The following ZNF676 variants were observed in gnomAD, a reference collection of about 807,000 sequenced individuals.
The protein encoded by ZNF676 is zinc finger protein 676.
ZNF676 carries 4 observed loss-of-function variants against 6.0 expected under a neutral mutation model. That is an observed-to-expected ratio of 0.67 (90% confidence interval 0.33 to 1.53). The LOEUF (loss-of-function observed/expected upper bound fraction) is 1.53, where lower values mean the gene tolerates loss of function less well. Ranked by LOEUF, ZNF676 falls within the 40% of genes most tolerant of loss-of-function variation. The pLI, the probability that ZNF676 is intolerant of heterozygous loss-of-function variation, is 0.06. For synonymous variants in ZNF676, 198 were observed against 223.1 expected (o/e 0.89, Z 1.00); for missense variants, 644 against 679.7 (o/e 0.95, Z 0.58).
the ZNF676 span, among the ~76,000 whole-genome samples, chr19:22,238,983 C>A: frequency 2.0e-5 from 3 of 152,174 alleles, no homozygotes; most frequent in African/African-American, 7.2e-5. Context: ...AACACCCTCA[C>A]AGACACATCC....
the ZNF676 span, chr19:22,245,386 A>C: frequency 7.9e-5 from 12 of 152,158 alleles, no homozygotes; most frequent in Admixed American, 5.9e-4. Flanking sequence ...AGGAGACAAG[A>C]GTCACATCAC....
At chr19:22,230,626 T>C in the ZNF676 span, among the ~76,000 whole-genome samples, 1 of 150,724 alleles carries the variant, frequency 6.6e-6, no homozygotes, top group Non-Finnish European at 1.5e-5. Context: ...ATGTATATTA[T>C]ATATATGTAT....
In ZNF676 at chr19:22,196,595, C is replaced by T; in HGVS notation, c.34+5G>A. On this transcript the variant is annotated splice_donor_5th_base_variant and intron_variant, in intron 1 of 2. Transcript: ENST00000397121. ...CTAGGAATTGCGTATTAAAGTTATT[C>T]TCACCCAGGAAGACCAGGTTTCTGT... is the stretch of plus-strand genomic sequence containing the variant. 1.2e-6 allele frequency: 2 copies of T among 1,613,620 alleles called. No homozygotes were observed. Among genetic ancestry groups the T allele is most frequent in the Non-Finnish European group, 1.7e-6 (2 of 1,179,590 alleles).
chr19:22,215,547 A>G (rs1291819788), intron 1 of ZNF676: 1 of 1,468,914 alleles, frequency 6.8e-7, no homozygotes, highest in East Asian at 2.3e-5. Context: ...GACTGCGGGT[A>G]GGCTTGAGTC....
the ZNF676 span, among the ~76,000 whole-genome samples, chr19:22,250,817 T>G: frequency 1.3e-5 from 2 of 152,044 alleles, no homozygotes; most frequent in African/African-American, 4.8e-5. Context: ...GTTCAAGTGA[T>G]CCTCCTGCCT....
chr19:22,204,473 G>C (rs1345217014), intron 1 of ZNF676, among the ~76,000 whole-genome samples: 1 of 152,096 alleles, frequency 6.6e-6, no homozygotes, highest in East Asian at 1.9e-4. Flanking sequence ...CATGAATGCA[G>C]GTTGTCTACA....
At chr19:22,194,842 C>T (rs1183580531) in intron 1 of ZNF676, among the ~76,000 whole-genome samples, 19 of 152,176 alleles carry the variant, frequency 1.2e-4, no homozygotes, top group Non-Finnish European at 1.8e-4. Context: ...ATTCCCTCTC[C>T]CCAGGAACAC....
chr19:22,203,014 C>T (rs2024041282), intron 1 of ZNF676: 1 of 152,216 alleles, frequency 6.6e-6, no homozygotes, highest in African/African-American at 2.4e-5. Flanking sequence ...GGCTAGTGTA[C>T]TCTCTTGACC....
intron 1 of ZNF676, among the ~76,000 whole-genome samples, chr19:22,195,150 AAAAGGAGAAATGAGGAAAT>A (rs2023953660): frequency 6.6e-6 from 1 of 152,186 alleles, no homozygotes; most frequent in Non-Finnish European, 1.5e-5. Flanking sequence ...CCTTTTCCAC[AAAAGGAGAAATGAGGAAAT>A]AAAGGGTTTG....
upstream of ZNF676, among the ~76,000 whole-genome samples, chr19:22,197,293 G>C (rs925786326): frequency 6.7e-6 from 1 of 150,256 alleles, no homozygotes; most frequent in African/African-American, 2.4e-5. Flanking sequence ...ACTCTAGCTT[G>C]GGCAACAAGA....
At chr19:22,185,359 G>A (rs987685673) in intron 2 of ZNF676, among the ~76,000 whole-genome samples, 21 of 152,036 alleles carry the variant, frequency 1.4e-4, no homozygotes, top group East Asian at 3.9e-4. Flanking sequence ...GACACCATCC[G>A]AAGGTCATCA....
At chr19:22,253,259 T>G in the ZNF676 span, among the ~76,000 whole-genome samples, 1 of 151,094 alleles carries the variant, frequency 6.6e-6, no homozygotes, top group South Asian at 2.1e-4. Context: ...TACTGCCAGC[T>G]GGGTACATAT....
At chr19:22,213,517 T>C (rs1419692316) in intron 1 of ZNF676, among the ~76,000 whole-genome samples, 4 of 152,180 alleles carry the variant, frequency 2.6e-5, no homozygotes, top group African/African-American at 7.2e-5. Flanking sequence ...CCTGCTCTCC[T>C]GAAAGGCTAC....
At chr19:22,248,254 TA>T in the ZNF676 span, among the ~76,000 whole-genome samples, 5 of 152,192 alleles carry the variant, frequency 3.3e-5, no homozygotes, top group African/African-American at 1.2e-4. Flanking sequence ...TTCCTTTGGG[TA>T]TATACCCAGT....
chr19:22,202,988 C>T (rs1599717055), intron 1 of ZNF676: 1 of 152,286 alleles, frequency 6.6e-6, no homozygotes, highest in African/African-American at 2.4e-5. Flanking sequence ...AACACTCCTG[C>T]TTTCCCTCTC....
chr19:22,247,868 G>A, the ZNF676 span, among the ~76,000 whole-genome samples: 4 of 152,026 alleles, frequency 2.6e-5, no homozygotes, highest in African/African-American at 7.2e-5. Context: ...GAAACTTTAG[G>A]TATATCTCCT....
intron 1 of ZNF676, among the ~76,000 whole-genome samples, chr19:22,205,273 G>T (rs1216495750): frequency 6.6e-6 from 1 of 152,006 alleles, no homozygotes; most frequent in African/African-American, 2.4e-5. Flanking sequence ...ACAATATTAG[G>T]ACCTGAACTC....
intron 1 of ZNF676, among the ~76,000 whole-genome samples, chr19:22,209,900 AG>A (rs2024113123): frequency 1.3e-5 from 2 of 152,274 alleles, no homozygotes; most frequent in South Asian, 4.2e-4. Flanking sequence ...AAAAACCACT[AG>A]GATCAAAAAT....
upstream of ZNF676, among the ~76,000 whole-genome samples, chr19:22,200,437 T>C (rs1165375763): frequency 1.3e-5 from 2 of 151,852 alleles, no homozygotes; most frequent in Non-Finnish European, 2.9e-5. Context: ...CACCATATGA[T>C]GCATAATTCA....
Sources: gnomAD v4.1 joint callset for allele counts (sites outside exome capture counted in the v4.1 genomes callset) on GRCh38, gnomAD v4.1.1 for gene constraint, MANE v1.5 for transcripts, NCBI Gene and HGNC (gene_info 2026-07-23, HGNC 2026-07-21) for gene names.